The following LTA variants were observed in gnomAD, a reference collection of about 807,000 sequenced individuals.
LTA encodes the protein lymphotoxin-alpha.
A neutral mutation model predicts 15.1 loss-of-function variants in LTA; 6 were observed. The observed-to-expected ratio is 0.40, with a 90% CI of 0.22 to 0.78. The LOEUF (loss-of-function observed/expected upper bound fraction) is 0.78. LTA is among the 30% of genes least tolerant of loss of function. The probability of loss-of-function intolerance (pLI) is 0.38; values close to 1 mark genes in which losing one functional copy is unlikely to be tolerated. For missense variants in LTA, 173 were observed against 249.5 expected, an observed-to-expected ratio of 0.69 and a Z score of 2.06; for synonymous variants, 87 against 107.3, an observed-to-expected ratio of 0.81 and a Z score of 1.17.
In LTA at chr6:31,573,001, AC is replaced by A. The variant is rs777584259; in HGVS notation, c.174del (p.His58GlnfsTer37). The A allele has an allele frequency of 6.2e-7, 1 of 1,612,048 alleles. No individual in the cohort carries two copies. Among genetic ancestry groups the A allele is most frequent in the Non-Finnish European group, 8.5e-7 (1 of 1,179,682 alleles). The part of the protein sequence containing the change: ...ARQHPKMHLA[H>X]STLKPAAHLI... ...CAGCACCCCAAGATGCATCTTGCCC[AC>A]AGCACCCTCAAACCTGCTGCTCACC... On this transcript the variant is annotated frameshift_variant, in exon 3 of 4. Transcript: ENST00000418386. LOFTEE classifies it high-confidence loss of function.
At position 31,572,779 on chromosome 6, in the gene LTA, T is replaced by C. The variant is rs2229094; in HGVS notation, c.37T>C (p.Cys13Arg). 423,286 of 1,609,528 alleles carry C rather than the reference T, an allele frequency of 0.26. 56,590 individuals are homozygous for C. Among genetic ancestry groups the C allele is most frequent in the South Asian group, 0.33 (30,401 of 91,006 alleles). The change falls in exon 2 of 4, where the codon TGT becomes CGT. Residue 13 changes from cysteine (C) to arginine (R), a missense_variant. Physicochemically the swap from Cys to Arg is radical, Grantham distance 180. Coordinates refer to ENST00000418386, the MANE Select transcript of LTA (RefSeq NM_000595.4). The part of the protein sequence containing the change: ...PPERLFLPRV[C>R]GTTLHLLLLG... ...TGAACGTCTCTTCCTCCCAAGGGTG[T>C]GTGGCACCACCCTACACCTCCTCCT...
chr6:31,571,772 G>A (rs1324254512), upstream of LTA, among the ~76,000 whole-genome samples: 1 of 152,208 alleles, frequency 6.6e-6, no homozygotes, highest in Non-Finnish European at 1.5e-5. Context: ...CGATGAAGGG[G>A]ATATATAATG....
rs757191542 is a variant in LTA, at chr6:31,573,763, A to G, written c.*70A>G. ...TTCTCCCCATTCTGCCTCCATTCTG[A>G]CCATTTCAGGGGTCGTCACCACCTC... is the stretch of plus-strand genomic sequence containing the variant. On this transcript the variant is annotated 3_prime_UTR_variant, in exon 4 of 4. Coordinates refer to ENST00000418386, the MANE Select transcript of LTA (RefSeq NM_000595.4). 6.3e-7 allele frequency: 1 copy of G among 1,577,802 alleles called. No homozygotes were observed. Among genetic ancestry groups the G allele is most frequent in the Non-Finnish European group, 8.7e-7 (1 of 1,152,608 alleles).
Position 31,573,321 on chromosome 6 carries a change from C to T in LTA, c.246C>T (p.Asn82=), listed in dbSNP as rs1562476231. ...AGAACTCACTGCTCTGGAGAGCAAA[C>T]ACGGACCGTGCCTTCCTCCAGGATG... The part of the protein sequence containing the change: ...SKQNSLLWRA[N]TDRAFLQDGF... Residue 82 remains asparagine (N), a synonymous_variant, in exon 4 of 4, where the codon AAC becomes AAT. Coordinates refer to ENST00000418386, the MANE Select transcript of LTA (RefSeq NM_000595.4). 6.2e-7 allele frequency: 1 copy of T among 1,613,872 alleles called. No individual in the cohort carries two copies. The highest frequency in any genetic ancestry group is 8.5e-7 in the Non-Finnish European group (1 of 1,179,912).
rs1770963943 is a variant in LTA, at chr6:31,573,304, C to T, written c.229C>T (p.Leu77=). The T allele has an allele frequency of 3.7e-6, 6 of 1,613,528 alleles. No homozygotes were observed. The highest frequency in any genetic ancestry group is 5.1e-6 in the Non-Finnish European group (6 of 1,179,688). ...LIGDPSKQNS[L]LWRANTDRAF... The stretch of plus-strand genomic sequence containing the variant: ...AGGAGACCCCAGCAAGCAGAACTCA[C>T]TGCTCTGGAGAGCAAACACGGACCG... Residue 77 remains leucine, a synonymous_variant, in exon 4 of 4, where the codon CTG becomes TTG. Coordinates refer to ENST00000418386, the MANE Select transcript of LTA (RefSeq NM_000595.4).
chr6:31,573,277 C>T lies in LTA; in HGVS notation c.206-4C>T, dbSNP rs1313440219. 1 of 1,609,060 alleles carries T rather than the reference C, an allele frequency of 6.2e-7. No individual in the cohort carries two copies. Among genetic ancestry groups the T allele is most frequent in the Non-Finnish European group, 8.5e-7 (1 of 1,177,218 alleles). On this transcript the variant is annotated splice_polypyrimidine_tract_variant and splice_region_variant and intron_variant, in intron 3 of 3. Transcript: ENST00000418386. ...CCACCCCCATCCCCTATGGCTCTTCCTAGGAGACCCCAGCAAGCAGAACTC... is the reference window on the plus strand; with the variant it reads ...CCACCCCCATCCCCTATGGCTCTTCTTAGGAGACCCCAGCAAGCAGAACTC...
chr6:31,567,895 G>T (rs1483768865), upstream of LTA, among the ~76,000 whole-genome samples: 2 of 152,022 alleles, frequency 1.3e-5, no homozygotes, highest in Non-Finnish European at 2.9e-5. Context: ...CCGCCTTCCA[G>T]CCTTTGCAGT....
In LTA at chr6:31,572,720, C is replaced by CTT; in HGVS notation, c.-9-13_-9-12insTT. 1 of 1,561,242 alleles carries CTT rather than the reference C, an allele frequency of 6.4e-7. No homozygotes were observed. On this transcript the variant is annotated splice_polypyrimidine_tract_variant and intron_variant, in intron 1 of 3. Transcript: ENST00000418386. ...CCGCTCACTGTCTCTCTCTCTCTCT[C>CTT]TCTTTCTCTGCAGGTTCTCCCCATG...
chr6:31,565,961 C>T, the LTA span, among the ~76,000 whole-genome samples: 1 of 151,938 alleles, frequency 6.6e-6, no homozygotes, highest in African/African-American at 2.4e-5. Flanking sequence ...GGGTGGATCA[C>T]GAGGTCAGGA....
chr6:31,572,676 T>G, intron 1 of LTA, 58 bp from the exon 2 acceptor site: 1 of 1,327,074 alleles, frequency 7.5e-7, no homozygotes, highest in Non-Finnish European at 1.1e-6. Flanking sequence ...GAGGTCTGTC[T>G]TCCGCCGCGT....
At chr6:31,570,461 T>C (rs111359709), upstream of LTA, among the ~76,000 whole-genome samples, 1 of 152,086 alleles carries the variant, frequency 6.6e-6, no homozygotes, top group Non-Finnish European at 1.5e-5. Flanking sequence ...CCAAGTAAAA[T>C]CACATCAGTA....
At chr6:31,569,732 G>A (rs1056505250), upstream of LTA, among the ~76,000 whole-genome samples, 2 of 152,012 alleles carry the variant, frequency 1.3e-5, no homozygotes, top group Non-Finnish European at 2.9e-5. Context: ...GGGAGGCAGA[G>A]GTTGCAGTGA....
At chr6:31,569,049 G>A (rs771739385), upstream of LTA, among the ~76,000 whole-genome samples, 1 of 151,950 alleles carries the variant, frequency 6.6e-6, no homozygotes, top group Admixed American at 6.6e-5. Flanking sequence ...TCACTTTGTT[G>A]CCCAGGCTGG....
Position 31,572,931 on chromosome 6 carries a change from C to T in LTA, c.103C>T (p.Leu35Phe), listed in dbSNP as rs1770929937. 1 of 1,612,292 alleles carries T rather than the reference C, an allele frequency of 6.2e-7. No homozygotes were observed. The highest frequency in any genetic ancestry group is 8.5e-7 in the Non-Finnish European group (1 of 1,179,578). Residue 35 changes from leucine (L) to phenylalanine (F), a missense_variant, in exon 3 of 4, where the codon CTC becomes TTC. Physicochemically the swap from Leu to Phe is conservative, Grantham distance 22. Transcript: ENST00000418386. Reference protein sequence around the residue: ...LLVLLPGAQGLPGVGLTPSAA... With the variant: ...LLVLLPGAQGFPGVGLTPSAA... ...CCTCAACTCTGTTCTCCCCTAGGGG[C>T]TCCCTGGTGTTGGCCTCACACCTTC... is the stretch of plus-strand genomic sequence containing the variant.
upstream of LTA, among the ~76,000 whole-genome samples, chr6:31,569,352 C>T (rs1030653055): frequency 3.3e-5 from 5 of 152,132 alleles, no homozygotes; most frequent in Non-Finnish European, 7.3e-5. Context: ...GCTGGGGTCC[C>T]AGTCCATCAG....
upstream of LTA, chr6:31,572,051 C>G (rs1163376606): frequency 6.5e-6 from 1 of 154,556 alleles, no homozygotes; most frequent in Non-Finnish European, 1.5e-5. Context: ...CACTCCCTGG[C>G]CCTCCCAGCC....
chr6:31,565,306 A>C, the LTA span, among the ~76,000 whole-genome samples: 2 of 152,220 alleles, frequency 1.3e-5, no homozygotes, highest in African/African-American at 4.8e-5. Flanking sequence ...GGATTGGTAG[A>C]AGGGTCCTTG....
rs1206878218 is a variant in LTA, at chr6:31,573,750, T to C, written c.*57T>C. The stretch of plus-strand genomic sequence containing the variant: ...TGATTTCAAGACCTTCTCCCCATTC[T>C]GCCTCCATTCTGACCATTTCAGGGG... On this transcript the variant is annotated 3_prime_UTR_variant, in exon 4 of 4. Transcript: ENST00000418386. 3.1e-6 allele frequency: 5 copies of C among 1,598,826 alleles called. No individual in the cohort carries two copies. In the South Asian group the frequency reaches 4.4e-5, roughly 14 times the overall value.
the LTA span, among the ~76,000 whole-genome samples, chr6:31,562,859 CAA>C: frequency 0.51 from 46,858 of 92,680 alleles, 9,780 homozygotes; most frequent in Middle Eastern, 0.57. Flanking sequence ...GACTCAGTCT[CAA>C]AAAAAAAAAA....
Sources: allele counts gnomAD v4.1 joint callset (sites outside exome capture counted in the v4.1 genomes callset), GRCh38; gene constraint gnomAD v4.1.1; transcripts MANE v1.5; gene names NCBI Gene and HGNC (gene_info 2026-07-23, HGNC 2026-07-21).